Variants in LCOR observed in about 807,000 individuals in gnomAD.
LCOR encodes ligand-dependent corepressor.
Under a neutral mutation model 64.4 loss-of-function variants are expected in LCOR, and 14 were observed. The observed-to-expected ratio is 0.22, with a 90% CI of 0.14 to 0.34. The LOEUF is 0.34. LCOR is among the 10% of genes least tolerant of loss of function. The pLI is 1.00. For missense variants in LCOR, 1,686 were observed against 1,765.3 expected (o/e 0.96, Z 0.80); for synonymous variants, 643 against 642.5 (o/e 1.00, Z -0.01).
chr10:96,965,490 G>A (rs906651432), intron 7 of LCOR, among the ~76,000 whole-genome samples: 4 of 149,796 alleles, frequency 2.7e-5, no homozygotes, highest in African/African-American at 4.9e-5. Context: ...GTGAAACCCC[G>A]TCTCTACTAA....
intron 2 of LCOR, among the ~76,000 whole-genome samples, chr10:96,877,919 T>C (rs530275490): frequency 6.6e-6 from 1 of 152,342 alleles, no homozygotes; most frequent in South Asian, 2.1e-4. Flanking sequence ...CCTGAAAATT[T>C]ATAATAGGAG....
intron 4 of LCOR, among the ~76,000 whole-genome samples, chr10:96,926,415 CACATATCTTTGTG>C (rs1390336439): frequency 1.5e-4 from 23 of 152,124 alleles, no homozygotes; most frequent in Non-Finnish European, 3.1e-4. Flanking sequence ...TGAAAATAAT[CACATATCTTTGTG>C]ACATATCTTT....
At chr10:96,899,357 T>C (rs1776829555) in intron 2 of LCOR, among the ~76,000 whole-genome samples, 1 of 152,150 alleles carries the variant, frequency 6.6e-6, no homozygotes, top group African/African-American at 2.4e-5. Flanking sequence ...ACATAACCCC[T>C]GTATCCCCAC....
chr10:96,884,065 T>A (rs1368892041), intron 2 of LCOR, among the ~76,000 whole-genome samples: 3 of 152,210 alleles, frequency 2.0e-5, no homozygotes, highest in Admixed American at 2.0e-4. Flanking sequence ...TTTATAATAA[T>A]TTTGCATAAA....
At chr10:96,857,212 A>G (rs1165433008) in intron 2 of LCOR, among the ~76,000 whole-genome samples, 2 of 152,202 alleles carry the variant, frequency 1.3e-5, no homozygotes, top group East Asian at 1.9e-4. Flanking sequence ...TTATGATACT[A>G]CAACCCACAA....
In LCOR at chr10:96,987,328, A is replaced by G. The variant is rs1848156904; in HGVS notation, c.*2194A>G. The G allele has an allele frequency of 6.6e-6, 1 of 152,212 alleles. No individual in the cohort carries two copies. The highest frequency in any genetic ancestry group is 2.4e-5 in the African/African-American group (1 of 41,456). 9.4% of individuals were successfully genotyped at this position (152,212 alleles called of 1,614,324 possible). A position where few individuals can be genotyped will look rare whatever the true frequency, so the allele number is the denominator to read the frequency against. On this transcript the variant is annotated 3_prime_UTR_variant, in exon 8 of 8. Transcript: ENST00000421806. Reference sequence around the variant, plus strand: ...CAATGTCAGGCATGCTGATTCCTGTACAGAAGAGGTGCCCCGTTGGCTGCA... The same window carrying G: ...CAATGTCAGGCATGCTGATTCCTGTGCAGAAGAGGTGCCCCGTTGGCTGCA...
chr10:96,934,479 G>T (rs1214805181), intron 4 of LCOR, among the ~76,000 whole-genome samples: 1 of 152,202 alleles, frequency 6.6e-6, no homozygotes, highest in South Asian at 2.1e-4. Context: ...GAAGCTCACA[G>T]TAGATTATAT....
intron 2 of LCOR, among the ~76,000 whole-genome samples, chr10:96,896,688 T>C (rs1050687380): frequency 2.0e-5 from 3 of 152,104 alleles, no homozygotes; most frequent in African/African-American, 7.2e-5. Flanking sequence ...CCTTCCAAAG[T>C]GCTGGGATTA....
intron 7 of LCOR, among the ~76,000 whole-genome samples, chr10:96,978,894 T>C (rs1327083175): frequency 6.6e-6 from 1 of 152,230 alleles, no homozygotes; most frequent in Admixed American, 6.5e-5. Context: ...TTATCTAATA[T>C]CTCACAACAA....
At chr10:96,935,496 T>C (rs1847335081) in intron 4 of LCOR, among the ~76,000 whole-genome samples, 1 of 152,040 alleles carries the variant, frequency 6.6e-6, no homozygotes, top group Non-Finnish European at 1.5e-5. Flanking sequence ...TCATACAAAC[T>C]TTTTTATTCT....
chr10:96,910,808 G>C (rs1287798779), intron 4 of LCOR, among the ~76,000 whole-genome samples: 1 of 152,164 alleles, frequency 6.6e-6, no homozygotes, highest in African/African-American at 2.4e-5. Flanking sequence ...CTGATATTTG[G>C]GAAGCAGCAG....
Position 96,983,042 on chromosome 10 carries a change from A to G in LCOR, c.2582A>G (p.His861Arg). 1.2e-6 allele frequency: 2 copies of G among 1,613,896 alleles called. No homozygotes were observed. The highest frequency in any genetic ancestry group is 1.7e-6 in the Non-Finnish European group (2 of 1,179,920). ...GCAAAACGTTCAAAAAAAGAAGGGC[A>G]CCCTGGTGGGACAACACCTAAGGGC... ...PSAKRSKKEG[H>R]PGGTTPKGLL... is the part of the protein sequence containing the mutation. Residue 861 changes from histidine to arginine, a missense_variant, in exon 8 of 8, where the codon CAC becomes CGC. His to Arg is a conservative substitution (Grantham distance 29). This residue lies in a region of LCOR where 1,293 missense variants were observed against 1,410.4 expected (regional missense o/e 0.92). Transcript: ENST00000421806. This position sits in a 1 kb window ranked among gnomAD's most constrained non-coding sequence, Gnocchi z 4.5.
At chr10:96,844,782 G>A (rs1564600168) in intron 2 of LCOR, among the ~76,000 whole-genome samples, 2 of 152,258 alleles carry the variant, frequency 1.3e-5, no homozygotes, top group South Asian at 2.1e-4. Context: ...CTGATTCTAC[G>A]CCTACAGAGT....
At chr10:96,964,616 C>G (rs1458264925) in intron 7 of LCOR, among the ~76,000 whole-genome samples, 2 of 151,850 alleles carry the variant, frequency 1.3e-5, no homozygotes, top group Admixed American at 6.6e-5. Flanking sequence ...TGAGATTCTG[C>G]TTTCATATTC....
In LCOR at chr10:96,958,207, C is replaced by T. The variant is rs2134539110; in HGVS notation, c.332+6011C>T. The T allele has an allele frequency of 3.1e-6, 4 of 1,289,418 alleles. No homozygotes were observed. The African/African-American group carries it at 4.5e-5, about 14-fold the overall frequency. The allele number at this position is 1,289,418 out of a possible 1,614,324, so 79.9% of individuals were successfully genotyped here. The stretch of plus-strand genomic sequence containing the variant: ...AAAATTAATTTGTGCTTGCTTTTAT[C>T]CCCTCTCAGAAAGACATCACTAAAG... On this transcript the variant is annotated intron_variant, in intron 7 of 7. Transcript: ENST00000421806.
intron 2 of LCOR, among the ~76,000 whole-genome samples, chr10:96,885,187 G>A (rs561723728): frequency 7.9e-5 from 12 of 152,218 alleles, no homozygotes; most frequent in Non-Finnish European, 1.5e-4. Context: ...TTAATTTACG[G>A]AAATGCAGTG....
intron 2 of LCOR, among the ~76,000 whole-genome samples, chr10:96,901,761 C>T (rs1846641934): frequency 6.6e-6 from 1 of 152,152 alleles, no homozygotes; most frequent in African/African-American, 2.4e-5. Context: ...TCCATCCGTT[C>T]CTCCATCTGT....
intron 2 of LCOR, among the ~76,000 whole-genome samples, chr10:96,886,804 C>T (rs947360016): frequency 1.3e-5 from 2 of 152,186 alleles, no homozygotes; most frequent in African/African-American, 2.4e-5. Flanking sequence ...GCTTACACAT[C>T]TCCAGTCAAA....
chr10:96,948,998 T>C lies in LCOR; in HGVS notation c.-50-10T>C. 1 of 1,572,662 alleles carries C rather than the reference T, an allele frequency of 6.4e-7. No individual in the cohort carries two copies. The highest frequency in any genetic ancestry group is 1.4e-5 in the African/African-American group (1 of 73,102). The stretch of plus-strand genomic sequence containing the variant: ...TCCCACTTTAAAAGTAAATAAATCT[T>C]TATTTACAGACAGTCCCTGGGTCTC... On this transcript the variant is annotated splice_polypyrimidine_tract_variant and intron_variant, in intron 5 of 7. Transcript: ENST00000421806.
Sources: allele counts gnomAD v4.1 joint callset (sites outside exome capture counted in the v4.1 genomes callset), GRCh38; gene constraint gnomAD v4.1.1; regional missense constraint gnomAD v4.1.1; non-coding constraint Gnocchi (gnomAD v3.1); transcripts MANE v1.5; gene names NCBI Gene and HGNC (gene_info 2026-07-23, HGNC 2026-07-21).